Variants in SCUBE3 observed in about 807,000 individuals in gnomAD.
The protein encoded by SCUBE3 is signal peptide, CUB and EGF-like domain-containing protein 3.
Under a neutral mutation model 116.8 loss-of-function variants are expected in SCUBE3, and 33 were observed. That is an observed-to-expected ratio of 0.28 (90% CI 0.21 to 0.38). The LOEUF (loss-of-function observed/expected upper bound fraction) is 0.38, where lower values mean the gene tolerates loss of function less well. Among genes scored for constraint, SCUBE3 ranks in the 10% least tolerant of loss-of-function variants. The pLI, the probability that SCUBE3 is intolerant of heterozygous loss-of-function variation, is 1.00. For missense variants in SCUBE3, 1,007 were observed against 1,324.8 expected, an observed-to-expected ratio of 0.76 and a Z score of 3.72; for synonymous variants, 418 against 496.9, an observed-to-expected ratio of 0.84 and a Z score of 2.11.
chr6:35,241,269 G>A lies in SCUBE3; in HGVS notation c.1195+3G>A, dbSNP rs1337565840. ...CTGGAATGGCAAAGATTGCACAGGT[G>A]GGCAGTGCCCTCTGCTGGCCAAAGA... On this transcript the variant is annotated splice_donor_region_variant and intron_variant, in intron 10 of 21. Transcript: ENST00000274938. The surrounding 1 kb of genome is among the most constrained non-coding windows in gnomAD (Gnocchi z 4.1). 6.3e-7 allele frequency: 1 copy of A among 1,589,438 alleles called. No homozygotes were observed. Among genetic ancestry groups the A allele is most frequent in the East Asian group, 2.3e-5 (1 of 44,298 alleles).
chr6:35,230,148 A>G (rs1783483953), intron 3 of SCUBE3, among the ~76,000 whole-genome samples: 1 of 152,166 alleles, frequency 6.6e-6, no homozygotes, highest in South Asian at 2.1e-4. Context: ...GCTTCCAGGG[A>G]AGGGCCTCAT....
chr6:35,247,797 G>A lies in SCUBE3; in HGVS notation c.2833-759G>A, dbSNP rs1581960117. On this transcript the variant is annotated intron_variant, in intron 21 of 21. Coordinates refer to ENST00000274938, the MANE Select transcript of SCUBE3 (RefSeq NM_152753.4). Reference sequence around the variant, plus strand: ...CACCAGCCTAGGAGCCAGAAGACCTGAGTTTTAATGCACAGTGCCTGGCAC... The same window carrying A: ...CACCAGCCTAGGAGCCAGAAGACCTAAGTTTTAATGCACAGTGCCTGGCAC... 2.0e-5 allele frequency among the ~76,000 whole-genome samples: 3 copies of A among 152,336 alleles called. No individual in the cohort carries two copies. The South Asian group carries it at 6.2e-4, about 32-fold the overall frequency.
intron 1 of SCUBE3, among the ~76,000 whole-genome samples, chr6:35,218,434 T>C (rs1783007661): frequency 6.6e-6 from 1 of 152,176 alleles, no homozygotes; most frequent in Non-Finnish European, 1.5e-5. Context: ...CTGGAAGAGC[T>C]TGCTGCCTGA....
chr6:35,244,125 C>A lies in SCUBE3; in HGVS notation c.2234C>A (p.Thr745Asn). ...GCCATTTCCTTCCAAGACTGTGACA[C>A]CAAAGGTGAGTAAGCTACTCACCTC... ...EGAISFQDCDTKVQCSPGHYY... is the reference protein window; with the variant it reads ...EGAISFQDCDNKVQCSPGHYY... The change falls in exon 17 of 22, where the codon ACC (threonine) becomes AAC (asparagine). Residue 745 changes from threonine to asparagine, a missense_variant. Thr to Asn is a moderately conservative substitution (Grantham distance 65). Coordinates refer to ENST00000274938, the MANE Select transcript of SCUBE3 (RefSeq NM_152753.4). The surrounding 1 kb of genome is among the most constrained non-coding windows in gnomAD (Gnocchi z 4.3). 2 of 1,613,254 alleles carry A rather than the reference C, an allele frequency of 1.2e-6. No homozygotes were observed. Among genetic ancestry groups the A allele is most frequent in the Middle Eastern group, 1.7e-4 (1 of 6,058 alleles).
At position 35,245,547 on chromosome 6, in the gene SCUBE3, A is replaced by G; in HGVS notation, c.2599+122A>G. ...TGAAGTTAGGGATCTATGAGGGTGA[A>G]ATAGTGAGAGGCCTTTAGGAAGAGA... On this transcript the variant is annotated intron_variant, in intron 19 of 21. Coordinates refer to ENST00000274938, the MANE Select transcript of SCUBE3 (RefSeq NM_152753.4). This position sits in a 1 kb window ranked among gnomAD's most constrained non-coding sequence, Gnocchi z 4.2. The G allele has an allele frequency of 1.3e-6, 1 of 779,702 alleles. No homozygotes were observed. 48.3% of individuals were successfully genotyped at this position (779,702 alleles called of 1,614,324 possible).
chr6:35,246,255 T>C lies in SCUBE3; in HGVS notation c.2802T>C (p.Tyr934=), dbSNP rs1338820692. ...ACATTGTGCGAGATGGCCGGCTCTA[T>C]GCCTCTGAAAACCACCAGGAGATTT... ...VEDIVRDGRL[Y]ASENHQEILK... Residue 934 remains tyrosine, a synonymous_variant, in exon 21 of 22, where the codon TAT becomes TAC. Transcript: ENST00000274938. 6.2e-7 allele frequency: 1 copy of C among 1,614,012 alleles called. No individual in the cohort carries two copies. The highest frequency in any genetic ancestry group is 8.5e-7 in the Non-Finnish European group (1 of 1,179,860).
chr6:35,251,918 T>C lies in SCUBE3; in HGVS notation c.*3213T>C, dbSNP rs1784569141. Reference sequence around the variant, plus strand: ...TCAGACAGAAGAGAGGTTTTTACCATTGGAGGGAAATGGAAAGATGGTATA... The same window carrying C: ...TCAGACAGAAGAGAGGTTTTTACCACTGGAGGGAAATGGAAAGATGGTATA... On this transcript the variant is annotated 3_prime_UTR_variant, in exon 22 of 22. Transcript: ENST00000274938. The C allele has an allele frequency of 6.6e-6, 1 of 152,160 alleles. No homozygotes were observed. Among genetic ancestry groups the C allele is most frequent in the African/African-American group, 2.4e-5 (1 of 41,402 alleles). The allele number at this position is 152,160 out of a possible 1,614,324, so 9.4% of individuals were successfully genotyped here. A position where few individuals can be genotyped will look rare whatever the true frequency, so the allele number is the denominator to read the frequency against.
At position 35,235,107 on chromosome 6, in the gene SCUBE3, G is replaced by A. The variant is rs551337875; in HGVS notation, c.712+1806G>A. Among the ~76,000 whole-genome samples, 17 of 152,322 alleles carry A rather than the reference G, an allele frequency of 1.1e-4. No individual in the cohort carries two copies. The highest frequency in any genetic ancestry group is 3.8e-4 in the African/African-American group (16 of 41,570). ...GGCAGTATAGTTTAGCAGAAAGGGC[G>A]GCACCCTTTGGGATTTGGGATTTTG... On this transcript the variant is annotated intron_variant, in intron 6 of 21. Transcript: ENST00000274938. This position sits in a 1 kb window ranked among gnomAD's most constrained non-coding sequence, Gnocchi z 4.5.
chr6:35,235,930 A>C lies in SCUBE3; in HGVS notation c.713-1972A>C, dbSNP rs966514873. Among the ~76,000 whole-genome samples the C allele has an allele frequency of 3.9e-5, 6 of 152,064 alleles. No individual in the cohort carries two copies. The highest frequency in any genetic ancestry group is 5.9e-5 in the Non-Finnish European group (4 of 68,020). Reference sequence around the variant, plus strand: ...GCTTCTTTCTTGGGTTCTTACCCACATTAGTTCACAGTCCCAGCATCACTC... The same window carrying C: ...GCTTCTTTCTTGGGTTCTTACCCACCTTAGTTCACAGTCCCAGCATCACTC... On this transcript the variant is annotated intron_variant, in intron 6 of 21. Coordinates refer to ENST00000274938, the MANE Select transcript of SCUBE3 (RefSeq NM_152753.4). The surrounding 1 kb of genome is among the most constrained non-coding windows in gnomAD (Gnocchi z 4.5).
Position 35,242,386 on chromosome 6 carries a change from C to G in SCUBE3, c.1534+66C>G. 5 of 1,212,582 alleles carry G rather than the reference C, an allele frequency of 4.1e-6. No individual in the cohort carries two copies. In the Admixed American group the frequency reaches 8.5e-5, roughly 21 times the overall value. The allele number at this position is 1,212,582 out of a possible 1,614,324, so 75.1% of individuals were successfully genotyped here. ...CTAAATCCTCCTTACCCCTCAGCTC[C>G]TCTGCTTCCAAAAACCCACCAGAAC... On this transcript the variant is annotated intron_variant, in intron 13 of 21. Coordinates refer to ENST00000274938, the MANE Select transcript of SCUBE3 (RefSeq NM_152753.4).
chr6:35,242,398 A>T, intron 13 of SCUBE3, 78 bp downstream of exon 13: 1 of 1,126,724 alleles, frequency 8.9e-7, no homozygotes. Flanking sequence ...CTGCTTCCAA[A>T]AACCCACCAG....
intron 1 of SCUBE3, among the ~76,000 whole-genome samples, chr6:35,226,322 T>C (rs1223620021): frequency 6.6e-6 from 1 of 152,130 alleles, no homozygotes; most frequent in Non-Finnish European, 1.5e-5. Context: ...TCCTTTTGGC[T>C]GGGCTGAGTC....
intron 21 of SCUBE3, among the ~76,000 whole-genome samples, chr6:35,247,535 T>C (rs1185610451): frequency 1.3e-5 from 2 of 152,144 alleles, no homozygotes; most frequent in East Asian, 3.8e-4. Context: ...AATATTTTTA[T>C]ATTATCATCA....
chr6:35,221,616 G>A (rs1409347686), intron 1 of SCUBE3: 7 of 152,024 alleles, frequency 4.6e-5, no homozygotes, highest in South Asian at 2.1e-4. Flanking sequence ...CACCTAGCAC[G>A]GTGCTTCGCA....
In SCUBE3 at chr6:35,227,821, TGGG is replaced by T. The variant is rs979262980; in HGVS notation, c.208+124_208+126del. ...GCTAGAAATTCCACTGGTCAAGTGG[TGGG>T]GGGGTGGTGAGGGGGGCAACTGCAT... is the stretch of plus-strand genomic sequence containing the variant. On this transcript the variant is annotated intron_variant, in intron 2 of 21. Transcript: ENST00000274938. The T allele has an allele frequency of 2.7e-5, 25 of 919,100 alleles. No homozygotes were observed. In the African/African-American group the frequency reaches 3.4e-4, roughly 12 times the overall value. The allele number at this position is 919,100 out of a possible 1,614,324, so 56.9% of individuals were successfully genotyped here.
rs774935374 is a variant in SCUBE3 at position 35,252,049 on chromosome 6, GCT to G, written c.*3347_*3348del. On this transcript the variant is annotated 3_prime_UTR_variant, in exon 22 of 22. Coordinates refer to ENST00000274938, the MANE Select transcript of SCUBE3 (RefSeq NM_152753.4). ...TTCATCTTAGTACAAAACCTCACCTGCTCTGAGCCTGGAAATGGGAGGGCTTC... is the reference window on the plus strand; with the variant it reads ...TTCATCTTAGTACAAAACCTCACCTGCTGAGCCTGGAAATGGGAGGGCTTC... 8 of 152,326 alleles carry G rather than the reference GCT, an allele frequency of 5.3e-5. No homozygotes were observed. The highest frequency in any genetic ancestry group is 1.2e-4 in the Non-Finnish European group (8 of 68,130). 9.4% of individuals were successfully genotyped at this position (152,326 alleles called of 1,614,324 possible).
Position 35,214,440 on chromosome 6 carries a change from G to A in SCUBE3, c.22G>A (p.Gly8Arg). ...AGCCATGGGCTCGGGGCGCGTACCC[G>A]GGCTCTGCCTGCTTGTCCTGCTGGT... MGSGRVPGLCLLVLLVHA... is the reference protein window; with the variant it reads MGSGRVPRLCLLVLLVHA... Residue 8 changes from glycine to arginine, a missense_variant, in exon 1 of 22, where the codon GGG becomes AGG. By Grantham distance (125) the Gly-to-Arg change is moderately radical (BLOSUM62 -2). Coordinates refer to ENST00000274938, the MANE Select transcript of SCUBE3 (RefSeq NM_152753.4). This position sits in a 1 kb window ranked among gnomAD's most constrained non-coding sequence, Gnocchi z 6.3. The A allele has an allele frequency of 1.3e-6, 2 of 1,484,242 alleles. No individual in the cohort carries two copies. The highest frequency in any genetic ancestry group is 8.9e-7 in the Non-Finnish European group (1 of 1,120,234). The allele number at this position is 1,484,242 out of a possible 1,614,324, so 91.9% of individuals were successfully genotyped here. A position where few individuals can be genotyped will look rare whatever the true frequency, so the allele number is the denominator to read the frequency against.
chr6:35,225,418 G>T (rs1032468663), intron 1 of SCUBE3, among the ~76,000 whole-genome samples: 1 of 152,184 alleles, frequency 6.6e-6, no homozygotes, highest in African/African-American at 2.4e-5. Context: ...TACCATCTGC[G>T]AGGTCCCTCT....
Position 35,228,943 on chromosome 6 carries a change from C to T in SCUBE3, c.334+204C>T, listed in dbSNP as rs145923117. On this transcript the variant is annotated intron_variant, in intron 3 of 21. Transcript: ENST00000274938. The surrounding 1 kb of genome is among the most constrained non-coding windows in gnomAD (Gnocchi z 4.9). ...AAAAACATTAGAGGAAAAGCTGCTA[C>T]GAAATGCTCCTAGGGCAAGGGCCAG... is the stretch of plus-strand genomic sequence containing the variant. Among the ~76,000 whole-genome samples the T allele has an allele frequency of 2.2e-3, 335 of 152,262 alleles. No homozygotes were observed. The highest frequency in any genetic ancestry group is 2.6e-3 in the Non-Finnish European group (174 of 68,026).
Sources: allele counts gnomAD v4.1 joint callset (sites outside exome capture counted in the v4.1 genomes callset), GRCh38; gene constraint gnomAD v4.1.1; non-coding constraint Gnocchi (gnomAD v3.1); transcripts MANE v1.5; gene names NCBI Gene and HGNC (gene_info 2026-07-23, HGNC 2026-07-21).